The following GLCE variants were observed in gnomAD, a reference collection of about 807,000 sequenced individuals.
GLCE encodes D-glucuronyl C5-epimerase.
A neutral mutation model predicts 47.9 loss-of-function variants in GLCE; 19 were observed. The observed-to-expected ratio is 0.40, with a 90% confidence interval of 0.28 to 0.58. GLCE has a LOEUF of 0.58. Among genes scored for constraint, GLCE ranks in the 20% least tolerant of loss-of-function variants. The pLI is 0.48. For missense variants in GLCE, 556 were observed against 743.3 expected (o/e 0.75, Z 2.93); for synonymous variants, 245 against 263.4 (o/e 0.93, Z 0.68).
At position 69,270,379 on chromosome 15, in the gene GLCE, T is replaced by A. The variant is rs1393092360; in HGVS notation, c.*1135T>A. 6.6e-6 allele frequency: 1 copy of A among 152,146 alleles called. No individual in the cohort carries two copies. Among genetic ancestry groups the A allele is most frequent in the Non-Finnish European group, 1.5e-5 (1 of 68,014 alleles). The allele number at this position is 152,146 out of a possible 1,614,324, so 9.4% of individuals were successfully genotyped here. ...TTAGATAGAAGGGATGTTACTGCAC[T>A]TATGTGTAATCAGATCTTTATTTAG... On this transcript the variant is annotated 3_prime_UTR_variant, in exon 5 of 5. Coordinates refer to ENST00000261858, the MANE Select transcript of GLCE (RefSeq NM_015554.3).
At chr15:69,229,508 G>A (rs1217494024) in intron 2 of GLCE, among the ~76,000 whole-genome samples, 1 of 152,140 alleles carries the variant, frequency 6.6e-6, no homozygotes, top group Non-Finnish European at 1.5e-5. Context: ...AATGGTGAGT[G>A]TATATGAATG....
In GLCE at chr15:69,166,580, A is replaced by G. The variant is rs959522214; in HGVS notation, c.-105+5823A>G. 7.9e-5 allele frequency among the ~76,000 whole-genome samples: 12 copies of G among 152,184 alleles called. 1 individual carries two copies. The highest frequency in any genetic ancestry group is 2.2e-4 in the African/African-American group (9 of 41,444). On this transcript the variant is annotated intron_variant, in intron 1 of 4. Transcript: ENST00000261858. The stretch of plus-strand genomic sequence containing the variant: ...TGAAGATCACACAGTTAGTTGGTCT[A>G]TAAGATTTTCTTTGTTAAGCTGGTT...
At chr15:69,189,134 T>C (rs910935418) in intron 1 of GLCE, among the ~76,000 whole-genome samples, 1 of 152,206 alleles carries the variant, frequency 6.6e-6, no homozygotes, top group African/African-American at 2.4e-5. Flanking sequence ...ACCATTATCA[T>C]ATTATCATAC....
At chr15:69,255,743 A>C (rs1448129847) in intron 2 of GLCE, 51 bp from the exon 3 acceptor site, 3 of 1,030,576 alleles carry the variant, frequency 2.9e-6, no homozygotes, top group Middle Eastern at 2.1e-4. Context: ...TTATCCTATG[A>C]AATGCCGGTA....
chr15:69,250,633 C>T (rs1246952517), intron 2 of GLCE, among the ~76,000 whole-genome samples: 1 of 151,770 alleles, frequency 6.6e-6, no homozygotes, highest in Non-Finnish European at 1.5e-5. Context: ...TGGTTCGTCC[C>T]TCCTTAGGCA....
At chr15:69,174,912 AGTTTG>A (rs1438320493) in intron 1 of GLCE, among the ~76,000 whole-genome samples, 1 of 152,170 alleles carries the variant, frequency 6.6e-6, no homozygotes, top group South Asian at 2.1e-4. Flanking sequence ...CTTTTCTAAC[AGTTTG>A]GTAATCTATT....
At chr15:69,220,847 A>T (rs2052368192) in intron 2 of GLCE, among the ~76,000 whole-genome samples, 1 of 152,174 alleles carries the variant, frequency 6.6e-6, no homozygotes, top group Non-Finnish European at 1.5e-5. Context: ...CCAGGAAATC[A>T]TTACTAAATC....
chr15:69,221,580 A>T (rs2052377348), intron 2 of GLCE, among the ~76,000 whole-genome samples: 1 of 148,888 alleles, frequency 6.7e-6, no homozygotes, highest in Non-Finnish European at 1.5e-5. Flanking sequence ...AAAAAAAATT[A>T]GGCTGGGCAC....
At chr15:69,247,714 A>T (rs1053779388) in intron 2 of GLCE, among the ~76,000 whole-genome samples, 1 of 152,156 alleles carries the variant, frequency 6.6e-6, no homozygotes, top group African/African-American at 2.4e-5. Context: ...GTCATTGTAG[A>T]GTTATTAATT....
intron 2 of GLCE, among the ~76,000 whole-genome samples, chr15:69,246,108 A>T (rs902273569): frequency 2.0e-4 from 31 of 152,066 alleles, no homozygotes; most frequent in African/African-American, 7.5e-4. Context: ...CTCATGCATG[A>T]GATTGCAGCA....
intron 2 of GLCE, among the ~76,000 whole-genome samples, chr15:69,215,759 A>G (rs1382346200): frequency 6.6e-6 from 1 of 152,108 alleles, no homozygotes; most frequent in Admixed American, 6.5e-5. Context: ...AGCACTTGAT[A>G]TTGTGCAGTA....
chr15:69,267,859 T>C (rs1272241534), intron 4 of GLCE, among the ~76,000 whole-genome samples: 2 of 150,310 alleles, frequency 1.3e-5, no homozygotes, highest in African/African-American at 4.9e-5. Context: ...TTTTTTTTTC[T>C]GTTTGCAGAA....
At chr15:69,191,920 G>T (rs1254852631) in intron 1 of GLCE, among the ~76,000 whole-genome samples, 3 of 152,038 alleles carry the variant, frequency 2.0e-5, no homozygotes, top group Non-Finnish European at 4.4e-5. Context: ...CTTCTGACTT[G>T]TATAGCTTCA....
At chr15:69,233,140 A>G (rs189101854) in intron 2 of GLCE, among the ~76,000 whole-genome samples, 1 of 152,308 alleles carries the variant, frequency 6.6e-6, no homozygotes, top group Non-Finnish European at 1.5e-5. Flanking sequence ...AAAATTTCAT[A>G]GTCATCTTAA....
Position 69,268,727 on chromosome 15 carries a change from C to T in GLCE, c.1337C>T (p.Ala446Val), listed in dbSNP as rs1199924692. 3.7e-6 allele frequency: 6 copies of T among 1,614,050 alleles called. No individual in the cohort carries two copies. Among genetic ancestry groups the T allele is most frequent in the Non-Finnish European group, 5.1e-6 (6 of 1,180,016 alleles). ...GAGCCAGGATGGTATTCTGCCATGGCCCAAGGGCAAGCCATTTCTACATTA... is the reference window on the plus strand; with the variant it reads ...GAGCCAGGATGGTATTCTGCCATGGTCCAAGGGCAAGCCATTTCTACATTA... ...SLEPGWYSAM[A>V]QGQAISTLVR... The change falls in exon 5 of 5, where the codon GCC becomes GTC. Residue 446 changes from alanine (A) to valine (V), a missense_variant. Coordinates refer to ENST00000261858, the MANE Select transcript of GLCE (RefSeq NM_015554.3).
intron 1 of GLCE, among the ~76,000 whole-genome samples, chr15:69,205,985 A>T (rs1159979404): frequency 6.6e-6 from 1 of 152,098 alleles, no homozygotes; most frequent in Non-Finnish European, 1.5e-5. Context: ...CAGGTGCCTT[A>T]CTACCAACCA....
At chr15:69,210,723 T>C (rs991132304) in intron 2 of GLCE, among the ~76,000 whole-genome samples, 1 of 152,236 alleles carries the variant, frequency 6.6e-6, no homozygotes, top group South Asian at 2.1e-4. Context: ...TAGACTGATA[T>C]CAAATCTGTT....
intron 1 of GLCE, among the ~76,000 whole-genome samples, chr15:69,188,710 TCTCTTACC>T (rs2051868163): frequency 6.6e-6 from 1 of 152,144 alleles, no homozygotes; most frequent in Non-Finnish European, 1.5e-5. Flanking sequence ...CTCATGACGT[TCTCTTACC>T]CTTTTAATGT....
chr15:69,209,811 G>A (rs1356288033), intron 1 of GLCE, among the ~76,000 whole-genome samples: 1 of 152,084 alleles, frequency 6.6e-6, no homozygotes, highest in Non-Finnish European at 1.5e-5. Context: ...GGAGGACAGA[G>A]AGAGAAGCAA....
Sources: allele counts gnomAD v4.1 joint callset (sites outside exome capture counted in the v4.1 genomes callset), GRCh38; gene constraint gnomAD v4.1.1; transcripts MANE v1.5; gene names NCBI Gene and HGNC (gene_info 2026-07-23, HGNC 2026-07-21).